The following DOCK11 variants were observed in gnomAD, a reference collection of about 807,000 sequenced individuals.
DOCK11 encodes dedicator of cytokinesis protein 11.
Under a neutral mutation model 169.1 loss-of-function variants are expected in DOCK11, and 70 were observed. That is an observed-to-expected ratio of 0.41 (90% CI 0.34 to 0.51). The LOEUF is 0.51. Ranked by LOEUF, DOCK11 falls within the 20% of genes least tolerant of loss-of-function variation. The pLI is 0.10. For missense variants in DOCK11, 1,166 were observed against 1,538.8 expected, an observed-to-expected ratio of 0.76 and a Z score of 4.05; for synonymous variants, 529 against 541.3, an observed-to-expected ratio of 0.98 and a Z score of 0.32.
Position 118,677,139 on chromosome X carries a change from A to G in DOCK11, c.5460+402A>G, listed in dbSNP as rs2016630292. ...CACTAAAGGTTAGATATTATTGTAA[A>G]TGCTATTGTACATCATGATTCTCCG... On this transcript the variant is annotated intron_variant, in intron 48 of 52. Coordinates refer to ENST00000276202, the MANE Select transcript of DOCK11 (RefSeq NM_144658.4). Among the ~76,000 whole-genome samples the G allele has an allele frequency of 2.7e-5, 3 of 112,394 alleles. No homozygotes were observed. The South Asian group carries it at 1.1e-3, about 41-fold the overall frequency.
chrX:118,510,763 G>A (rs542449513), intron 1 of DOCK11, among the ~76,000 whole-genome samples: 2 of 111,990 alleles, frequency 1.8e-5, no homozygotes, highest in Admixed American at 1.9e-4. Context: ...GTTAGACTGG[G>A]CATGGTCCTT....
chrX:118,636,231 G>A (rs1341387691), intron 35 of DOCK11, 115 bp from the exon 36 acceptor site: 2 of 361,344 alleles, frequency 5.5e-6, no homozygotes, highest in Non-Finnish European at 9.7e-6. Context: ...GAATATAGAT[G>A]AAACAAGATT....
intron 1 of DOCK11, among the ~76,000 whole-genome samples, chrX:118,512,391 C>T (rs906364293): frequency 6.3e-5 from 7 of 111,391 alleles, no homozygotes; most frequent in Admixed American, 2.9e-4. Flanking sequence ...TGAGTGCAGC[C>T]GTATATTTTT....
intron 46 of DOCK11, among the ~76,000 whole-genome samples, chrX:118,673,986 T>C (rs2016548417): frequency 8.9e-6 from 1 of 111,932 alleles, no homozygotes; most frequent in Admixed American, 9.5e-5. Flanking sequence ...AAATGCTCAT[T>C]GGAACATTTT....
At chrX:118,501,210 G>A (rs1324460069) in intron 1 of DOCK11, among the ~76,000 whole-genome samples, 1 of 111,361 alleles carries the variant, frequency 9.0e-6, no homozygotes, top group East Asian at 2.8e-4. Context: ...TCCAGGCATG[G>A]TGGCTCACAC....
intron 38 of DOCK11, 108 bp from the exon 39 acceptor site, chrX:118,641,082 C>T: frequency 1.7e-6 from 1 of 581,211 alleles, no homozygotes. Context: ...AGCCACCGCA[C>T]CCAGCCGAGC....
intron 42 of DOCK11, among the ~76,000 whole-genome samples, chrX:118,653,739 C>A (rs2016001145): frequency 9.0e-6 from 1 of 111,624 alleles, no homozygotes; most frequent in South Asian, 3.7e-4. Context: ...CAAACCATTT[C>A]CCCCACATAT....
chrX:118,538,768 C>T (rs1008943753), intron 1 of DOCK11: 2 of 481,646 alleles, frequency 4.2e-6, no homozygotes, highest in Non-Finnish European at 5.1e-6. Flanking sequence ...TGCACACTGG[C>T]AGAAAGGATA....
At chrX:118,559,873 T>C (rs1293489954) in intron 6 of DOCK11, among the ~76,000 whole-genome samples, 4 of 111,425 alleles carry the variant, frequency 3.6e-5, no homozygotes, top group African/African-American at 1.3e-4. Flanking sequence ...TATTCTCACA[T>C]ATATGAGATA....
At chrX:118,579,995 A>G in intron 13 of DOCK11, 102 bp from the exon 14 acceptor site, 1 of 630,828 alleles carries the variant, frequency 1.6e-6, no homozygotes, top group Non-Finnish European at 2.3e-6. Context: ...TTTTTTTGAG[A>G]TTTTTGATGT....
chrX:118,627,647 T>G (rs2015142777), intron 33 of DOCK11, 68 bp downstream of exon 33: 1 of 782,999 alleles, frequency 1.3e-6, no homozygotes, highest in South Asian at 2.3e-5. Context: ...CTTCTCAGTA[T>G]TTTTGATATA....
chrX:118,566,566 A>T lies in DOCK11; in HGVS notation c.872-8A>T. The T allele has an allele frequency of 1.7e-6, 2 of 1,209,054 alleles. No individual in the cohort carries two copies. Among genetic ancestry groups the T allele is most frequent in the Non-Finnish European group, 2.2e-6 (2 of 893,402 alleles). On this transcript the variant is annotated splice_polypyrimidine_tract_variant and splice_region_variant and intron_variant, in intron 8 of 52. Coordinates refer to ENST00000276202, the MANE Select transcript of DOCK11 (RefSeq NM_144658.4). ...GGTTTAGAACATCTGCTTTTAATGA[A>T]TTTGCAGATGATGAAACTAGCAGCC...
intron 28 of DOCK11, among the ~76,000 whole-genome samples, chrX:118,611,915 C>T (rs749192260): frequency 4.5e-5 from 5 of 111,604 alleles, no homozygotes; most frequent in African/African-American, 1.6e-4. Flanking sequence ...TCACCATGCC[C>T]AGTATTTTTA....
In DOCK11 at chrX:118,676,788, G is replaced by T. The variant is rs372505218; in HGVS notation, c.5460+51G>T. ...TCATTATTTGTTAGTTCCAGGCATTGTACATTGCTCCTGACTTTTTCCTTT... is the reference window on the plus strand; with the variant it reads ...TCATTATTTGTTAGTTCCAGGCATTTTACATTGCTCCTGACTTTTTCCTTT... On this transcript the variant is annotated intron_variant, in intron 48 of 52. Coordinates refer to ENST00000276202, the MANE Select transcript of DOCK11 (RefSeq NM_144658.4). The T allele has an allele frequency of 4.5e-4, 468 of 1,051,135 alleles. 1 individual carries two copies. The African/African-American group carries it at 7.6e-3, about 17-fold the overall frequency. 86.6% of individuals were successfully genotyped at this position (1,051,135 alleles called of 1,213,427 possible). A position where few individuals can be genotyped will look rare whatever the true frequency, so the allele number is the denominator to read the frequency against.
chrX:118,642,209 C>T (rs1442563265), intron 39 of DOCK11, among the ~76,000 whole-genome samples: 2 of 111,990 alleles, frequency 1.8e-5, no homozygotes, highest in Admixed American at 1.9e-4. Context: ...TTCCTTCCTC[C>T]TATTCTGATA....
chrX:118,568,370 T>TTATATATATA (rs397839351), intron 10 of DOCK11, among the ~76,000 whole-genome samples: 21 of 36,737 alleles, frequency 5.7e-4, no homozygotes, highest in Non-Finnish European at 7.4e-4. Context: ...TGGGGCTGAA[T>TTATATATATA]TATATATATA....
chrX:118,682,751 G>A (rs1456127355), intron 51 of DOCK11, among the ~76,000 whole-genome samples: 4 of 111,998 alleles, frequency 3.6e-5, no homozygotes, highest in Non-Finnish European at 7.5e-5. Context: ...TGAATGACTC[G>A]TTATTTATAG....
rs1341670580 is a variant in DOCK11 at position 118,630,398 on chromosome X, G to A, written c.3794G>A (p.Arg1265Lys). Reference protein sequence around the residue: ...TGENTRQSSTRSSVSQYNRLD... With the variant: ...TGENTRQSSTKSSVSQYNRLD... Reference sequence around the variant, plus strand: ...TTACAGACCCGACAGAGTTCTACAAGGAGTAGTGTATCCCAGTATAACCGC... The same window carrying A: ...TTACAGACCCGACAGAGTTCTACAAAGAGTAGTGTATCCCAGTATAACCGC... The change falls in exon 35 of 53, where the codon AGG becomes AAG. Residue 1265 changes from arginine to lysine, a missense_variant. Arg to Lys is a conservative substitution (Grantham distance 26, BLOSUM62 2). Transcript: ENST00000276202. 2 of 1,203,278 alleles carry A rather than the reference G, an allele frequency of 1.7e-6. No homozygotes were observed.
At position 118,662,711 on chromosome X, in the gene DOCK11, G is replaced by A. The variant is rs200563659; in HGVS notation, c.4995G>A (p.Ala1665=). The A allele has an allele frequency of 4.9e-4, 586 of 1,189,140 alleles. No homozygotes were observed. Among genetic ancestry groups the A allele is most frequent in the Non-Finnish European group, 5.8e-4 (510 of 877,503 alleles). Residue 1665 remains alanine, a synonymous_variant, in exon 45 of 53, where the codon GCG becomes GCA. Coordinates refer to ENST00000276202, the MANE Select transcript of DOCK11 (RefSeq NM_144658.4). ...RKKLFPNGCS[A]FKKITPNIDE... is the part of the protein sequence containing the mutation. ...AATTATTTCCTAACGGATGTTCAGC[G>A]TTCAAGAAAATTACTCCCAATATAG...
Sources: allele counts gnomAD v4.1 joint callset (sites outside exome capture counted in the v4.1 genomes callset), GRCh38; gene constraint gnomAD v4.1.1; transcripts MANE v1.5; gene names NCBI Gene and HGNC (gene_info 2026-07-23, HGNC 2026-07-21).